The following SNX5 variants were observed in gnomAD, a reference collection of about 807,000 sequenced individuals.
SNX5 encodes the protein sorting nexin 5, also known as sorting nexin-5.
A neutral mutation model predicts 53.9 loss-of-function variants in SNX5; 31 were observed. The observed-to-expected ratio is 0.58, with a 90% CI of 0.43 to 0.78. SNX5 has a LOEUF of 0.78. SNX5 is among the 30% of genes least tolerant of loss of function. The probability of loss-of-function intolerance (pLI) is 0.00; values close to 1 mark genes in which losing one functional copy is unlikely to be tolerated. For missense variants in SNX5, 471 were observed against 478.8 expected, an observed-to-expected ratio of 0.98 and a Z score of 0.15; for synonymous variants, 168 against 171.1, an observed-to-expected ratio of 0.98 and a Z score of 0.14.
intron 11 of SNX5, chr20:17,944,806 A>C (rs984199948): frequency 6.6e-6 from 1 of 152,190 alleles, no homozygotes; most frequent in African/African-American, 2.4e-5. Flanking sequence ...CAGCCTCCCA[A>C]AGTGCTGGGA....
At chr20:17,947,382 C>T in intron 11 of SNX5, 104 bp downstream of exon 11, 1 of 1,262,660 alleles carries the variant, frequency 7.9e-7, no homozygotes, top group South Asian at 1.4e-5. Context: ...AGTGCTGACA[C>T]TGGGTGAAGG....
At chr20:17,961,369 CAGG>C (rs796082591) in intron 1 of SNX5, 28 of 985,402 alleles carry the variant, frequency 2.8e-5, no homozygotes, top group East Asian at 1.1e-4. Flanking sequence ...CAGAACCCAC[CAGG>C]AGAACAGAAA....
intron 1 of SNX5, chr20:17,961,657 T>G (rs942345804): frequency 1.0e-6 from 1 of 984,668 alleles, no homozygotes; most frequent in Non-Finnish European, 1.2e-6. Flanking sequence ...CTAGTTTCCA[T>G]TCCAAAAGCA....
At chr20:17,950,848 C>T (rs552768888) in intron 6 of SNX5, among the ~76,000 whole-genome samples, 1 of 152,294 alleles carries the variant, frequency 6.6e-6, no homozygotes, top group South Asian at 2.1e-4. Flanking sequence ...CAGTCCCATA[C>T]ACCTTAAACT....
At chr20:17,962,857 T>TA (rs1453042580) in intron 1 of SNX5, 1 of 519,036 alleles carries the variant, frequency 1.9e-6, no homozygotes, top group African/African-American at 1.9e-5. Flanking sequence ...TCAGGCTACA[T>TA]AGCCTCAAGT....
chr20:17,956,757 C>T (rs575554094), intron 2 of SNX5, among the ~76,000 whole-genome samples, 176 bp downstream of exon 2: 6 of 151,278 alleles, frequency 4.0e-5, no homozygotes, highest in Admixed American at 2.6e-4. Context: ...ATGCTGCTGC[C>T]GCCACAATGG....
intron 5 of SNX5, among the ~76,000 whole-genome samples, 182 bp downstream of exon 5, chr20:17,952,405 A>C (rs1345147917): frequency 6.6e-6 from 1 of 152,212 alleles, no homozygotes; most frequent in African/African-American, 2.4e-5. Context: ...AGGGGAAAGA[A>C]GTCAAAATTT....
intron 1 of SNX5, chr20:17,962,768 C>A (rs781461437): frequency 1.3e-5 from 7 of 519,126 alleles, no homozygotes; most frequent in Non-Finnish European, 2.3e-5. Flanking sequence ...CCCGTCCCTG[C>A]TGACACCAAC....
chr20:17,967,845 A>C (rs2122448214), intron 1 of SNX5: 1 of 390,646 alleles, frequency 2.6e-6, no homozygotes, highest in East Asian at 3.6e-5. Context: ...TAAAAATTAC[A>C]CAACTCCCAC....
Position 17,961,485 on chromosome 20 carries a change from G to A in SNX5, c.52-4448C>T, listed in dbSNP as rs2035447332. 2.2e-5 allele frequency: 22 copies of A among 985,326 alleles called. 1 individual carries two copies. Among genetic ancestry groups the A allele is most frequent in the Non-Finnish European group, 2.5e-5 (21 of 829,908 alleles). The allele number at this position is 985,326 out of a possible 1,614,324, so 61.0% of individuals were successfully genotyped here. On this transcript the variant is annotated intron_variant, in intron 1 of 12. Transcript: ENST00000377759. ...AAACTCCACAATCTCTGATCTGTTA[G>A]ATTGGGGCTAGTTGAACAGTCATTT... is the stretch of plus-strand genomic sequence containing the variant.
At chr20:17,962,828 T>A in intron 1 of SNX5, 1 of 519,124 alleles carries the variant, frequency 1.9e-6, no homozygotes. Context: ...AGTAGAACAC[T>A]GCAGACTGCA....
intron 2 of SNX5, among the ~76,000 whole-genome samples, 197 bp downstream of exon 2, chr20:17,956,736 G>A (rs1361366422): frequency 2.7e-5 from 4 of 146,344 alleles, no homozygotes; most frequent in Non-Finnish European, 4.4e-5. Flanking sequence ...CCAGGGCTCT[G>A]CCACAGCAGA....
chr20:17,956,725 C>T (rs1213023581), intron 2 of SNX5, among the ~76,000 whole-genome samples: 1 of 149,992 alleles, frequency 6.7e-6, no homozygotes, highest in South Asian at 2.1e-4. Flanking sequence ...ATGCCCACAG[C>T]CCAGGGCTCT....
intron 12 of SNX5, 70 bp downstream of exon 12, chr20:17,943,040 G>T: frequency 2.8e-6 from 3 of 1,083,260 alleles, no homozygotes; most frequent in Non-Finnish European, 4.3e-6. Context: ...ATGACAATGG[G>T]TTAGTAAACT....
chr20:17,967,824 T>C, intron 1 of SNX5: 2 of 379,432 alleles, frequency 5.3e-6, no homozygotes, highest in Non-Finnish European at 4.7e-6. Context: ...AGCAAGTATT[T>C]GAGCACCTAC....
At chr20:17,963,511 G>C (rs1228279160) in intron 1 of SNX5, among the ~76,000 whole-genome samples, 1 of 152,092 alleles carries the variant, frequency 6.6e-6, no homozygotes, top group East Asian at 1.9e-4. Flanking sequence ...CCTTTACTCA[G>C]AGCTAAAAGC....
intron 11 of SNX5, 58 bp from the exon 12 acceptor site, chr20:17,943,253 C>G: frequency 9.3e-7 from 1 of 1,080,948 alleles, no homozygotes; most frequent in Non-Finnish European, 1.4e-6. Flanking sequence ...TTCATGTTCA[C>G]TTTAACTACC....
At chr20:17,958,467 A>G (rs564978859) in intron 1 of SNX5, among the ~76,000 whole-genome samples, 1 of 152,366 alleles carries the variant, frequency 6.6e-6, no homozygotes, top group East Asian at 1.9e-4. Context: ...CTGTATATTT[A>G]TAATTCTGAA....
At chr20:17,955,678 C>T (rs945578903) in intron 2 of SNX5, among the ~76,000 whole-genome samples, 1 of 152,236 alleles carries the variant, frequency 6.6e-6, no homozygotes, top group Admixed American at 6.5e-5. Flanking sequence ...CCAAACTCCA[C>T]CTTTCTGAAG....
Sources: allele counts gnomAD v4.1 joint callset (sites outside exome capture counted in the v4.1 genomes callset), GRCh38; gene constraint gnomAD v4.1.1; transcripts MANE v1.5; gene names NCBI Gene and HGNC (gene_info 2026-07-23, HGNC 2026-07-21).